MYO18B: variants seen among roughly 807,000 people sequenced by gnomAD.
MYO18B encodes myosin XVIIIB.
In MYO18B, 204 loss-of-function variants were observed where a neutral mutation model predicts 273.0. That is an observed-to-expected ratio of 0.75 (90% CI 0.67 to 0.84). MYO18B has a LOEUF of 0.84. Ranked by LOEUF, MYO18B falls within the 40% of genes least tolerant of loss-of-function variation. The probability of loss-of-function intolerance (pLI) is 0.00; values close to 1 mark genes in which losing one functional copy is unlikely to be tolerated. For synonymous variants in MYO18B, 1,330 were observed against 1,305.7 expected, an observed-to-expected ratio of 1.02 and a Z score of -0.40; for missense variants, 3,212 against 3,287.6, an observed-to-expected ratio of 0.98 and a Z score of 0.56.
the MYO18B span, among the ~76,000 whole-genome samples, chr22:26,039,617 G>GTTTTT: frequency 7.2e-5 from 9 of 125,838 alleles, no homozygotes; most frequent in African/African-American, 2.8e-4. Flanking sequence ...TTTTGTTTTT[G>GTTTTT]TTTTTGTTTT....
At position 25,950,345 on chromosome 22, in the gene MYO18B, ATTTT is replaced by A; in HGVS notation, c.5749-14_5749-11del. 7.1e-7 allele frequency: 1 copy of A among 1,411,904 alleles called. No individual in the cohort carries two copies. The highest frequency in any genetic ancestry group is 1.4e-5 in the African/African-American group (1 of 69,660). 87.5% of individuals were successfully genotyped at this position (1,411,904 alleles called of 1,614,324 possible). The stretch of plus-strand genomic sequence containing the variant: ...TGTGGACTCAGGGTGATATATATAC[ATTTT>A]TTTTTTTGTCTCACCAGTCTGCTGC... On this transcript the variant is annotated intron_variant, in intron 36 of 43. Coordinates refer to ENST00000335473, the MANE Select transcript of MYO18B (RefSeq NM_032608.7).
the MYO18B span, among the ~76,000 whole-genome samples, chr22:26,063,013 A>G: frequency 2.6e-5 from 4 of 152,176 alleles, no homozygotes; most frequent in Non-Finnish European, 5.9e-5. Context: ...CCTTCAGGGA[A>G]TGGACACCCA....
At chr22:25,834,234 C>T (rs1195850239) in intron 16 of MYO18B, among the ~76,000 whole-genome samples, 1 of 151,772 alleles carries the variant, frequency 6.6e-6, no homozygotes, top group African/African-American at 2.4e-5. Flanking sequence ...GCAACTTCTG[C>T]CTCCCGGATT....
intron 1 of MYO18B, among the ~76,000 whole-genome samples, chr22:25,744,318 G>A (rs184202586): frequency 7.2e-5 from 11 of 152,286 alleles, no homozygotes; most frequent in Admixed American, 4.6e-4. Flanking sequence ...CTGGGGCTGT[G>A]AGCCTACAAG....
At chr22:25,878,142 C>A in intron 25 of MYO18B, 94 bp downstream of exon 25, 1 of 996,724 alleles carries the variant, frequency 1.0e-6, no homozygotes, top group Non-Finnish European at 1.5e-6. Context: ...TGAAAGCATG[C>A]TAATTGCTTT....
Position 25,894,291 on chromosome 22 carries a change from G to A in MYO18B, c.4544-865G>A, listed in dbSNP as rs556929337. Reference sequence around the variant, plus strand: ...ATTTCATTATCTTGTACAAAGTAGTGTGCTCAATGAGTGTGTGAATGGATG... The same window carrying A: ...ATTTCATTATCTTGTACAAAGTAGTATGCTCAATGAGTGTGTGAATGGATG... On this transcript the variant is annotated intron_variant, in intron 27 of 43. Transcript: ENST00000335473. 7.2e-5 allele frequency among the ~76,000 whole-genome samples: 11 copies of A among 152,260 alleles called. No individual in the cohort carries two copies. The South Asian group carries it at 1.0e-3, about 14-fold the overall frequency.
At chr22:25,792,540 G>A (rs2087724918) in intron 11 of MYO18B, among the ~76,000 whole-genome samples, 1 of 136,318 alleles carries the variant, frequency 7.3e-6, no homozygotes, top group South Asian at 2.3e-4. Context: ...CTGTGCCCAG[G>A]CTGGAGTGCA....
At chr22:26,034,860 T>C (rs897123525), downstream of MYO18B, among the ~76,000 whole-genome samples, 1 of 152,222 alleles carries the variant, frequency 6.6e-6, no homozygotes, top group East Asian at 1.9e-4. Flanking sequence ...AAGCTGAGTT[T>C]AGAACTCAAC....
At chr22:26,045,166 C>T in the MYO18B span, among the ~76,000 whole-genome samples, 2 of 151,660 alleles carry the variant, frequency 1.3e-5, no homozygotes, top group Non-Finnish European at 2.9e-5. Flanking sequence ...TGCTTGCTCT[C>T]TTGTGTCTCT....
At chr22:25,877,249 C>T (rs552518513) in intron 24 of MYO18B, 1 of 152,264 alleles carries the variant, frequency 6.6e-6, no homozygotes, top group African/African-American at 2.4e-5. Flanking sequence ...AACCTAGCAC[C>T]TGGGTATCTT....
chr22:25,756,041 G>A (rs1387545987), intron 1 of MYO18B, among the ~76,000 whole-genome samples: 1 of 152,112 alleles, frequency 6.6e-6, no homozygotes, highest in Non-Finnish European at 1.5e-5. Context: ...GGGACTACAG[G>A]GGCCTGCCAC....
At chr22:25,835,613 C>T (rs554190454) in intron 17 of MYO18B, among the ~76,000 whole-genome samples, 170 bp downstream of exon 17, 6 of 152,330 alleles carry the variant, frequency 3.9e-5, no homozygotes, top group East Asian at 3.9e-4. Context: ...ATTCAGTGAA[C>T]GCATTGAGCA....
In MYO18B at chr22:25,962,257, C is replaced by T. The variant is rs117966498; in HGVS notation, c.6156+6893C>T. Reference sequence around the variant, plus strand: ...AGGTTAAGCACCTCCTTTGTGTTCCCGTACCCCCTGTGCCCACCCCATCAA... The same window carrying T: ...AGGTTAAGCACCTCCTTTGTGTTCCTGTACCCCCTGTGCCCACCCCATCAA... On this transcript the variant is annotated intron_variant, in intron 39 of 43. Coordinates refer to ENST00000335473, the MANE Select transcript of MYO18B (RefSeq NM_032608.7). Among the ~76,000 whole-genome samples the T allele has an allele frequency of 2.2e-4, 33 of 152,240 alleles. No individual in the cohort carries two copies. The East Asian group carries it at 6.2e-3, about 28-fold the overall frequency.
chr22:25,862,822 G>A (rs1213616912), intron 21 of MYO18B, among the ~76,000 whole-genome samples: 5 of 148,028 alleles, frequency 3.4e-5, no homozygotes, highest in South Asian at 2.2e-4. Flanking sequence ...TCAATGACCC[G>A]CTAGGATGCA....
At chr22:25,845,086 A>G (rs2090194545) in intron 18 of MYO18B, among the ~76,000 whole-genome samples, 1 of 152,196 alleles carries the variant, frequency 6.6e-6, no homozygotes, top group Non-Finnish European at 1.5e-5. Flanking sequence ...AATGGGAATG[A>G]GGTTCCAAAG....
intron 3 of MYO18B, among the ~76,000 whole-genome samples, chr22:25,767,036 C>A (rs4822649): frequency 0.22 from 33,296 of 152,106 alleles, 4,783 homozygotes; most frequent in African/African-American, 0.39. Context: ...CCCAGATTCC[C>A]AGGCATGGGT....
chr22:25,865,478 C>G (rs2090859213), intron 21 of MYO18B, among the ~76,000 whole-genome samples: 1 of 152,184 alleles, frequency 6.6e-6, no homozygotes, highest in South Asian at 2.1e-4. Flanking sequence ...CAGCACTGTT[C>G]CAAGGTTTTG....
At chr22:25,902,429 C>T (rs769502178) in intron 29 of MYO18B, among the ~76,000 whole-genome samples, 184 bp from the exon 30 acceptor site, 32 of 152,302 alleles carry the variant, frequency 2.1e-4, no homozygotes, top group Admixed American at 1.6e-3. Context: ...CACAGCCTTA[C>T]GTAAAAGCAT....
rs554765938 is a variant in MYO18B, at chr22:25,992,285, G to T, written c.6157-78G>T. The stretch of plus-strand genomic sequence containing the variant: ...GTGAACACTAGGCTCAGCCTGGGGC[G>T]TGTCTCTTCCCCAGTGCATGCATGG... On this transcript the variant is annotated intron_variant, in intron 39 of 43. Transcript: ENST00000335473. 4.7e-4 allele frequency: 739 copies of T among 1,561,266 alleles called. 2 individuals carry two copies. Among genetic ancestry groups the T allele is most frequent in the Middle Eastern group, 3.7e-3 (22 of 5,912 alleles).
Sources: gnomAD v4.1 joint callset for allele counts (sites outside exome capture counted in the v4.1 genomes callset) on GRCh38, gnomAD v4.1.1 for gene constraint, MANE v1.5 for transcripts, NCBI Gene and HGNC (gene_info 2026-07-23, HGNC 2026-07-21) for gene names.